CUL4B: variants seen among roughly 807,000 people sequenced by gnomAD.
The protein encoded by CUL4B is cullin 4B.
A neutral mutation model predicts 69.2 loss-of-function variants in CUL4B; 1 was observed. The ratio of observed to expected loss-of-function variants is 0.01; its 90% CI spans 0.01 to 0.07. CUL4B has a LOEUF of 0.07. Ranked by LOEUF, CUL4B falls within the 10% of genes least tolerant of loss-of-function variation. CUL4B has a pLI of 1.00. For missense variants in CUL4B, 328 were observed against 638.8 expected (o/e 0.51, Z 5.24); for synonymous variants, 237 against 223.2 (o/e 1.06, Z -0.55).
At chrX:120,545,538 A>T in intron 4 of CUL4B, 21 bp from the exon 5 acceptor site, 2 of 1,093,106 alleles carry the variant, frequency 1.8e-6, no homozygotes, top group Non-Finnish European at 2.5e-6. Context: ...AAAAAAAAGA[A>T]ATCAAACAAG....
Position 120,526,581 on chromosome X carries a change from G to T in CUL4B, c.*180C>A. On this transcript the variant is annotated 3_prime_UTR_variant, in exon 20 of 20. Transcript: ENST00000371322. ...TCAACAACATTCTTCTTAAAGGTAA[G>T]TATTACTCTTTAAAATGGGCATGTT... 3.0e-6 allele frequency: 1 copy of T among 338,677 alleles called. No individual in the cohort carries two copies. Among genetic ancestry groups the T allele is most frequent in the South Asian group, 3.2e-5 (1 of 30,954 alleles). The allele number at this position is 338,677 out of a possible 1,213,427, so 27.9% of individuals were successfully genotyped here.
At chrX:120,540,277 T>C in intron 11 of CUL4B, 93 bp downstream of exon 11, 3 of 830,291 alleles carry the variant, frequency 3.6e-6, no homozygotes, top group Non-Finnish European at 5.4e-6. Context: ...AATCAGGAAT[T>C]AGTAATACTA....
intron 1 of CUL4B, chrX:120,559,675 T>C: frequency 1.9e-6 from 1 of 518,041 alleles, no homozygotes; most frequent in East Asian, 8.8e-5. Context: ...TTCTAGGCAT[T>C]GGATAATGTG....
At chrX:120,568,329 T>C (rs1925616025), downstream of CUL4B, among the ~76,000 whole-genome samples, 2 of 111,810 alleles carry the variant, frequency 1.8e-5, no homozygotes, top group South Asian at 7.5e-4. Flanking sequence ...CTAATCAAGT[T>C]TGACAGCTTA....
At position 120,526,001 on chromosome X, in the gene CUL4B, G is replaced by C. The variant is rs1307510520; in HGVS notation, c.*760C>G. 2 of 111,510 alleles carry C rather than the reference G, an allele frequency of 1.8e-5. No individual in the cohort carries two copies. The highest frequency in any genetic ancestry group is 6.5e-5 in the African/African-American group (2 of 30,669). 9.2% of individuals were successfully genotyped at this position (111,510 alleles called of 1,213,427 possible). A position where few individuals can be genotyped will look rare whatever the true frequency, so the allele number is the denominator to read the frequency against. On this transcript the variant is annotated 3_prime_UTR_variant, in exon 20 of 20. Transcript: ENST00000371322. ...TTTTCTCTTCTATGATGTTCCTCTA[G>C]TACAACTGATCATTAATTTTCTACT...
intron 1 of CUL4B, among the ~76,000 whole-genome samples, chrX:120,574,893 A>C (rs1925825247): frequency 8.9e-6 from 1 of 112,197 alleles, no homozygotes; most frequent in Admixed American, 9.5e-5. Flanking sequence ...GATTCTCTTA[A>C]ATTGGAAGCC....
downstream of CUL4B, among the ~76,000 whole-genome samples, chrX:120,570,108 C>G (rs1393749812): frequency 8.9e-6 from 1 of 111,907 alleles, no homozygotes. Context: ...TACTCAAATA[C>G]CCTACTTGCT....
Position 120,574,489 on chromosome X carries a change from C to T in CUL4B, c.67+62G>A, listed in dbSNP as rs1925809284. ...CTGGGATTACAGGCGTGAGCCACCGCGCCCGGCCTGTTAACAATTATTTAG... is the reference window on the plus strand; with the variant it reads ...CTGGGATTACAGGCGTGAGCCACCGTGCCCGGCCTGTTAACAATTATTTAG... On this transcript the variant is annotated intron_variant, in intron 2 of 2. Transcript: ENST00000486604. 4.0e-6 allele frequency: 4 copies of T among 1,005,086 alleles called. No homozygotes were observed. In the African/African-American group the frequency reaches 5.6e-5, roughly 14 times the overall value. The allele number at this position is 1,005,086 out of a possible 1,213,427, so 82.8% of individuals were successfully genotyped here. A position where few individuals can be genotyped will look rare whatever the true frequency, so the allele number is the denominator to read the frequency against.
At chrX:120,550,085 G>A (rs1381791613) in intron 2 of CUL4B, among the ~76,000 whole-genome samples, 1 of 111,472 alleles carries the variant, frequency 9.0e-6, no homozygotes, top group Non-Finnish European at 1.9e-5. Context: ...CTTCCAATAA[G>A]TTCTTCTTAA....
intron 2 of CUL4B, among the ~76,000 whole-genome samples, chrX:120,552,087 A>G (rs1489770734): frequency 8.9e-6 from 1 of 112,237 alleles, no homozygotes. Context: ...TTATTTAAAT[A>G]TTATGTATTA....
At chrX:120,545,611 G>GTA in intron 4 of CUL4B, 94 bp from the exon 5 acceptor site, 1 of 580,464 alleles carries the variant, frequency 1.7e-6, no homozygotes, top group Admixed American at 2.9e-5. Flanking sequence ...GAGTTTGTCT[G>GTA]TATATATATT....
chrX:120,561,180 G>A (rs925253692), upstream of CUL4B: 34 of 737,493 alleles, frequency 4.6e-5, no homozygotes, highest in South Asian at 5.6e-5. Flanking sequence ...CGGGGGGCGG[G>A]GGAGCTCGCG....
intron 17 of CUL4B, among the ~76,000 whole-genome samples, chrX:120,534,166 T>C (rs1923504656): frequency 9.3e-6 from 1 of 108,086 alleles, no homozygotes; most frequent in African/African-American, 3.4e-5. Flanking sequence ...GCCCAGGAGT[T>C]TGAGACCAGG....
intron 4 of CUL4B, 151 bp downstream of exon 4, chrX:120,546,395 AT>A: frequency 2.3e-6 from 1 of 427,452 alleles, no homozygotes; most frequent in South Asian, 4.2e-5. Context: ...AAATAAATAA[AT>A]TTTTAAAAAA....
chrX:120,538,048 C>T, intron 14 of CUL4B, 76 bp downstream of exon 14: 2 of 727,376 alleles, frequency 2.7e-6, no homozygotes, highest in Middle Eastern at 4.5e-4. Flanking sequence ...TATTTATCCT[C>T]TTTAGTACAA....
chrX:120,554,245 C>T (rs913608441), intron 2 of CUL4B, among the ~76,000 whole-genome samples: 1 of 111,942 alleles, frequency 8.9e-6, no homozygotes, highest in Non-Finnish European at 1.9e-5. Context: ...TATAGGTAGC[C>T]GTTAGTCTCA....
intron 14 of CUL4B, among the ~76,000 whole-genome samples, chrX:120,537,567 A>C (rs1273001733): frequency 9.0e-6 from 1 of 111,429 alleles, no homozygotes; most frequent in Non-Finnish European, 1.9e-5. Flanking sequence ...ACTGACCCTG[A>C]TTTTTTCTTA....
intron 19 of CUL4B, among the ~76,000 whole-genome samples, chrX:120,527,450 C>T (rs145291707): frequency 2.7e-3 from 297 of 109,460 alleles, no homozygotes; most frequent in Non-Finnish European, 2.9e-3. Flanking sequence ...CTTGCTATGT[C>T]GCCCAGGCTG....
chrX:120,532,715 C>T, intron 17 of CUL4B, 121 bp from the exon 18 acceptor site: 2 of 652,747 alleles, frequency 3.1e-6, no homozygotes, highest in South Asian at 4.6e-5. Context: ...CCAAAGGTCA[C>T]CAACAACTTT....
Sources: allele counts gnomAD v4.1 joint callset (sites outside exome capture counted in the v4.1 genomes callset), GRCh38; gene constraint gnomAD v4.1.1; transcripts MANE v1.5; gene names NCBI Gene and HGNC (gene_info 2026-07-23, HGNC 2026-07-21).